MEGF10: variants seen among roughly 807,000 people sequenced by gnomAD.
The protein encoded by MEGF10 is multiple epidermal growth factor-like domains protein 10.
A neutral mutation model predicts 147.5 loss-of-function variants in MEGF10; 86 were observed. The ratio of observed to expected loss-of-function variants is 0.58; its 90% confidence interval spans 0.49 to 0.70. The LOEUF (loss-of-function observed/expected upper bound fraction) is 0.70. Ranked by LOEUF, MEGF10 falls within the 30% of genes least tolerant of loss-of-function variation. The pLI is 0.00. For synonymous variants in MEGF10, 478 were observed against 525.5 expected (o/e 0.91, Z 1.24); for missense variants, 1,329 against 1,487.3 (o/e 0.89, Z 1.75).
chr5:127,275,927 A>G, the MEGF10 span, among the ~76,000 whole-genome samples: 3 of 152,308 alleles, frequency 2.0e-5, no homozygotes, highest in South Asian at 2.1e-4. Flanking sequence ...TCACTCACCA[A>G]TTGGTTAGAA....
chr5:127,424,260 A>G (rs1765132524), intron 13 of MEGF10: 1 of 695,858 alleles, frequency 1.4e-6, no homozygotes, highest in African/African-American at 1.8e-5. Flanking sequence ...AGCACCATAC[A>G]GTTTTGATTA....
chr5:127,433,536 C>A (rs759913924), intron 14 of MEGF10, 27 bp downstream of exon 14: 19 of 1,568,534 alleles, frequency 1.2e-5, no homozygotes, highest in East Asian at 2.3e-5. Flanking sequence ...GCAGTAATTT[C>A]CACCTTCCCT....
At chr5:127,428,177 C>T (rs891495502) in intron 13 of MEGF10, among the ~76,000 whole-genome samples, 1 of 120,694 alleles carries the variant, frequency 8.3e-6, no homozygotes, top group African/African-American at 3.2e-5. Flanking sequence ...CTTGCAAGTG[C>T]AAAGGCAAAC....
intron 22 of MEGF10, among the ~76,000 whole-genome samples, chr5:127,449,588 T>C (rs1766078808): frequency 6.6e-6 from 1 of 152,170 alleles, no homozygotes; most frequent in Non-Finnish European, 1.5e-5. Context: ...CATAACAAGG[T>C]TATGTTACTT....
chr5:127,306,526 T>C (rs1760019588), intron 1 of MEGF10, among the ~76,000 whole-genome samples: 1 of 152,196 alleles, frequency 6.6e-6, no homozygotes, highest in Non-Finnish European at 1.5e-5. Context: ...ACCATGCCCG[T>C]CTTCCATGGT....
At chr5:127,395,159 A>T (rs1237389573) in intron 5 of MEGF10, among the ~76,000 whole-genome samples, 1 of 152,204 alleles carries the variant, frequency 6.6e-6, no homozygotes, top group African/African-American at 2.4e-5. Flanking sequence ...TAATAAATAT[A>T]CCGCTGGCTC....
At chr5:127,335,958 A>G (rs1434524892) in intron 2 of MEGF10, among the ~76,000 whole-genome samples, 2 of 151,110 alleles carry the variant, frequency 1.3e-5, no homozygotes, top group African/African-American at 2.4e-5. Flanking sequence ...ACAACAGAAA[A>G]GAAATTCATG....
At position 127,433,523 on chromosome 5, in the gene MEGF10, T is replaced by A; in HGVS notation, c.1840+14T>A. 6.3e-7 allele frequency: 1 copy of A among 1,578,792 alleles called. No individual in the cohort carries two copies. The highest frequency in any genetic ancestry group is 8.6e-7 in the Non-Finnish European group (1 of 1,161,676). The stretch of plus-strand genomic sequence containing the variant: ...CTTGTCAGAGGAGTAAGTGTCTCAT[T>A]AGGCAGTAATTTCCACCTTCCCTTC... On this transcript the variant is annotated intron_variant, in intron 14 of 24. Coordinates refer to ENST00000503335, the MANE Select transcript of MEGF10 (RefSeq NM_001256545.2).
chr5:127,295,244 CTAAT>C (rs1459781027), intron 1 of MEGF10, among the ~76,000 whole-genome samples: 3 of 152,292 alleles, frequency 2.0e-5, no homozygotes, highest in Non-Finnish European at 4.4e-5. Context: ...TATGAAATCT[CTAAT>C]TATATCTTGC....
intron 22 of MEGF10, among the ~76,000 whole-genome samples, chr5:127,450,366 A>G (rs1766107521): frequency 6.6e-6 from 1 of 152,010 alleles, no homozygotes. Context: ...ATATATGTGT[A>G]TATATAGTTT....
Position 127,461,182 on chromosome 5 carries a change from ATGAGTTTAT to A in MEGF10, c.*3865_*3873del, listed in dbSNP as rs1331177659. On this transcript the variant is annotated 3_prime_UTR_variant, in exon 25 of 25. Coordinates refer to ENST00000503335, the MANE Select transcript of MEGF10 (RefSeq NM_001256545.2). The stretch of plus-strand genomic sequence containing the variant: ...CCTACATTGTCATTTATATCACCAA[ATGAGTTTAT>A]AGATTAATGCAATAAACTTTCTAAT... 1 of 152,218 alleles carries A rather than the reference ATGAGTTTAT, an allele frequency of 6.6e-6. No individual in the cohort carries two copies. The highest frequency in any genetic ancestry group is 1.5e-5 in the Non-Finnish European group (1 of 68,030). 9.4% of individuals were successfully genotyped at this position (152,218 alleles called of 1,614,324 possible).
At chr5:127,449,057 T>C in intron 21 of MEGF10, 42 bp from the exon 22 acceptor site, 2 of 1,611,548 alleles carry the variant, frequency 1.2e-6, no homozygotes, top group Non-Finnish European at 1.7e-6. Context: ...TGTGCCGCAT[T>C]GTATTTTGTT....
chr5:127,243,237 G>A, the MEGF10 span, among the ~76,000 whole-genome samples: 1 of 152,120 alleles, frequency 6.6e-6, no homozygotes, highest in African/African-American at 2.4e-5. Flanking sequence ...CTACCTCGTG[G>A]TTGTTTTCAG....
intron 1 of MEGF10, among the ~76,000 whole-genome samples, chr5:127,308,706 C>T (rs1490421984): frequency 1.3e-5 from 2 of 150,672 alleles, no homozygotes; most frequent in East Asian, 3.9e-4. Context: ...CACACCAGAG[C>T]CTGTTGTGGG....
At chr5:127,332,447 A>T (rs923766426) in intron 2 of MEGF10, among the ~76,000 whole-genome samples, 1 of 152,178 alleles carries the variant, frequency 6.6e-6, no homozygotes, top group African/African-American at 2.4e-5. Flanking sequence ...CACTGTTAGG[A>T]TGCATAAAGC....
chr5:127,343,359 C>G (rs897823942), intron 4 of MEGF10, among the ~76,000 whole-genome samples: 2 of 151,978 alleles, frequency 1.3e-5, no homozygotes, highest in African/African-American at 4.8e-5. Context: ...GTCTTCCCCT[C>G]CCTCCCCACC....
chr5:127,414,236 C>A (rs1764674576), intron 9 of MEGF10, among the ~76,000 whole-genome samples: 1 of 152,274 alleles, frequency 6.6e-6, no homozygotes, highest in African/African-American at 2.4e-5. Context: ...TGTTAGCAAA[C>A]CTCCCTTTTC....
At chr5:127,270,766 T>C in the MEGF10 span, among the ~76,000 whole-genome samples, 1 of 152,168 alleles carries the variant, frequency 6.6e-6, no homozygotes, top group African/African-American at 2.4e-5. Flanking sequence ...TCCCCTGCCA[T>C]GTGCCCATGT....
rs745877628 is a variant in MEGF10, at chr5:127,419,216, G to A, written c.1402G>A (p.Asp468Asn). Residue 468 changes from aspartate to asparagine, a missense_variant, in exon 11 of 25, where the codon GAC becomes AAC. Transcript: ENST00000503335. Reference protein sequence around the residue: ...CKNDAVCSPVDGSCTCKAGWH... With the variant: ...CKNDAVCSPVNGSCTCKAGWH... ...AAATGATGCAGTCTGCTCTCCTGTG[G>A]ACGGGTCTTGTACTTGCAAGGCAGG... is the stretch of plus-strand genomic sequence containing the variant. 3 of 1,614,052 alleles carry A rather than the reference G, an allele frequency of 1.9e-6. No homozygotes were observed. Among genetic ancestry groups the A allele is most frequent in the South Asian group, 1.1e-5 (1 of 91,062 alleles).
Sources: gnomAD v4.1 joint callset for allele counts (sites outside exome capture counted in the v4.1 genomes callset) on GRCh38, gnomAD v4.1.1 for gene constraint, MANE v1.5 for transcripts, NCBI Gene and HGNC (gene_info 2026-07-23, HGNC 2026-07-21) for gene names.